The following C3orf20 variants were observed in gnomAD, a reference collection of about 807,000 sequenced individuals.
The protein encoded by C3orf20 is family with sequence similarity 149 member C.
Under a neutral mutation model 88.3 loss-of-function variants are expected in C3orf20, and 76 were observed. That is an observed-to-expected ratio of 0.86 (90% confidence interval 0.72 to 1.04). The LOEUF is 1.04. Among genes scored for constraint, C3orf20 ranks in the 50% least tolerant of loss-of-function variants. C3orf20 has a pLI of 0.00. For missense variants in C3orf20, 1,056 were observed against 1,123.3 expected (o/e 0.94, Z 0.86); for synonymous variants, 436 against 437.4 (o/e 1.00, Z 0.04).
At chr3:14,703,053 A>AT in intron 5 of C3orf20, 77 bp from the exon 6 acceptor site, 1 of 1,542,878 alleles carries the variant, frequency 6.5e-7, no homozygotes, top group Non-Finnish European at 8.9e-7. Context: ...CAGGTCTCAC[A>AT]TCCAGGTGAC....
chr3:14,748,461 T>C (rs1334811728), intron 12 of C3orf20, among the ~76,000 whole-genome samples: 1 of 152,176 alleles, frequency 6.6e-6, no homozygotes, highest in Non-Finnish European at 1.5e-5. Context: ...TTACCTTGAC[T>C]GACTCCAATC....
rs191245591 is a variant in C3orf20, at chr3:14,760,502, T to C, written c.2352+504T>C. Among the ~76,000 whole-genome samples the C allele has an allele frequency of 4.3e-3, 655 of 152,308 alleles. 5 individuals carry two copies. The highest frequency in any genetic ancestry group is 7.5e-3 in the Non-Finnish European group (511 of 68,028). ...CTTTGCAGTCCTTTTCTGCATATAT[T>C]CTTTGCAATTCTTCTTTTTAAATTA... On this transcript the variant is annotated intron_variant, in intron 14 of 16. Coordinates refer to ENST00000253697, the MANE Select transcript of C3orf20 (RefSeq NM_032137.5).
At chr3:14,695,840 CTTT>C (rs1266570352) in intron 5 of C3orf20, among the ~76,000 whole-genome samples, 1 of 151,986 alleles carries the variant, frequency 6.6e-6, no homozygotes, top group Admixed American at 6.6e-5. Flanking sequence ...CATGTAACAT[CTTT>C]TTTTCGTTCC....
rs148575296 is a variant in C3orf20 at position 14,708,887 on chromosome 3, G to A, written c.1160+4269G>A. On this transcript the variant is annotated intron_variant, in intron 7 of 16. Coordinates refer to ENST00000253697, the MANE Select transcript of C3orf20 (RefSeq NM_032137.5). ...TTGAACTCCCGACCTTGAGTGATCCGCCCACTTCAGCCTCCCAAAGTGCTG... is the reference window on the plus strand; with the variant it reads ...TTGAACTCCCGACCTTGAGTGATCCACCCACTTCAGCCTCCCAAAGTGCTG... 2.3e-3 allele frequency among the ~76,000 whole-genome samples: 350 copies of A among 152,062 alleles called. 1 individual carries two copies. Among genetic ancestry groups the A allele is most frequent in the African/African-American group, 7.9e-3 (328 of 41,482 alleles).
intron 4 of C3orf20, among the ~76,000 whole-genome samples, chr3:14,686,644 A>G (rs968135104): frequency 1.3e-5 from 2 of 152,178 alleles, no homozygotes; most frequent in African/African-American, 4.8e-5. Flanking sequence ...CTTTTGAGAA[A>G]TGGGTCCTTA....
Position 14,683,045 on chromosome 3 carries a change from C to A in C3orf20, c.332C>A (p.Thr111Asn), listed in dbSNP as rs756389612. 2 of 1,611,812 alleles carry A rather than the reference C, an allele frequency of 1.2e-6. No homozygotes were observed. The highest frequency in any genetic ancestry group is 1.7e-5 in the Admixed American group (1 of 59,404). ...APPRPVLLAT[T>N]GAAKRSTLSP... ...CCACGTCCAGTGCTGCTGGCAACCA[C>A]TGGGGCAGCCAAGCGCTCCACCCTC... The change falls in exon 3 of 17, where the codon ACT (threonine) becomes AAT (asparagine). Residue 111 changes from threonine to asparagine, a missense_variant. Physicochemically the swap from Thr to Asn is moderately conservative, Grantham distance 65. Transcript: ENST00000253697.
In C3orf20 at chr3:14,721,242, T is replaced by C. The variant is rs76377041; in HGVS notation, c.1435-411T>C. On this transcript the variant is annotated intron_variant, in intron 9 of 16. Transcript: ENST00000253697. ...TGCCAAGTGGTCACCTTCCTACCAC[T>C]GTAGGACAAGAGTCATAGTCAGACC... Among the ~76,000 whole-genome samples the C allele has an allele frequency of 2.2e-3, 332 of 152,346 alleles. 1 individual carries two copies. Among genetic ancestry groups the C allele is most frequent in the African/African-American group, 7.6e-3 (317 of 41,590 alleles).
intron 12 of C3orf20, among the ~76,000 whole-genome samples, chr3:14,749,039 T>C (rs1208225443): frequency 6.6e-6 from 1 of 152,198 alleles, no homozygotes; most frequent in Non-Finnish European, 1.5e-5. Flanking sequence ...TTATCAAAAG[T>C]GGGATGTTAA....
chr3:14,723,018 G>C (rs1201994487), intron 10 of C3orf20, among the ~76,000 whole-genome samples: 1 of 152,242 alleles, frequency 6.6e-6, no homozygotes, highest in Non-Finnish European at 1.5e-5. Context: ...AAGGCTCCTA[G>C]AAGCAAAAGC....
intron 5 of C3orf20, among the ~76,000 whole-genome samples, chr3:14,693,148 G>C (rs1022868275): frequency 3.3e-5 from 5 of 152,130 alleles, no homozygotes; most frequent in Admixed American, 3.3e-4. Context: ...TTTGAACTCA[G>C]GTAAGATGAT....
chr3:14,751,667 A>G (rs979952518), intron 12 of C3orf20, among the ~76,000 whole-genome samples: 4 of 152,220 alleles, frequency 2.6e-5, no homozygotes, highest in African/African-American at 9.6e-5. Flanking sequence ...AAAAATCACA[A>G]GCATTCCTAT....
chr3:14,744,174 C>G (rs1306646372), intron 12 of C3orf20, among the ~76,000 whole-genome samples: 1 of 152,032 alleles, frequency 6.6e-6, no homozygotes, highest in Admixed American at 6.5e-5. Flanking sequence ...CAGGTTACCT[C>G]TTGAATGCTT....
chr3:14,760,840 C>T (rs1261393741), intron 14 of C3orf20, among the ~76,000 whole-genome samples: 2 of 151,978 alleles, frequency 1.3e-5, no homozygotes, highest in Non-Finnish European at 2.9e-5. Context: ...GAACTCCTGA[C>T]CTTGTGATCC....
In C3orf20 at chr3:14,733,769, A is replaced by G. The variant is rs112792316; in HGVS notation, c.1940+5081A>G. Among the ~76,000 whole-genome samples the G allele has an allele frequency of 6.8e-3, 1,039 of 151,918 alleles. 10 individuals are homozygous for G. Among genetic ancestry groups the G allele is most frequent in the African/African-American group, 0.023 (971 of 41,396 alleles). On this transcript the variant is annotated intron_variant, in intron 12 of 16. Coordinates refer to ENST00000253697, the MANE Select transcript of C3orf20 (RefSeq NM_032137.5). ...AATGGAGCCATCTTGGCTCAGGGCA[A>G]CCTCTGCCTCCTGGGTTCAAGCGAT...
chr3:14,740,744 A>T (rs1227966184), intron 12 of C3orf20, among the ~76,000 whole-genome samples: 1 of 151,860 alleles, frequency 6.6e-6, no homozygotes, highest in East Asian at 1.9e-4. Flanking sequence ...CTGTCTTCCA[A>T]TTTACTCATG....
chr3:14,756,992 T>A (rs2035393066), intron 12 of C3orf20, among the ~76,000 whole-genome samples: 1 of 152,128 alleles, frequency 6.6e-6, no homozygotes, highest in African/African-American at 2.4e-5. Context: ...TGAAGGAGAC[T>A]TGGACCACAT....
intron 3 of C3orf20, 128 bp from the exon 4 acceptor site, chr3:14,684,114 A>T (rs1009341480): frequency 7.9e-7 from 1 of 1,264,516 alleles, no homozygotes; most frequent in Non-Finnish European, 1.1e-6. Context: ...TAGCCCCCTC[A>T]CCCCTGCATA....
chr3:14,698,730 C>T (rs1406464744), intron 5 of C3orf20, among the ~76,000 whole-genome samples: 1 of 152,186 alleles, frequency 6.6e-6, no homozygotes, highest in Admixed American at 6.5e-5. Flanking sequence ...CTAAAGCCAG[C>T]ACAGCACTGG....
At chr3:14,713,032 A>C (rs899646633) in intron 7 of C3orf20, among the ~76,000 whole-genome samples, 1 of 152,118 alleles carries the variant, frequency 6.6e-6, no homozygotes, top group Non-Finnish European at 1.5e-5. Flanking sequence ...ATCTTATTGA[A>C]GTTCTCTTAT....
Sources: allele counts gnomAD v4.1 joint callset (sites outside exome capture counted in the v4.1 genomes callset), GRCh38; gene constraint gnomAD v4.1.1; transcripts MANE v1.5; gene names NCBI Gene and HGNC (gene_info 2026-07-23, HGNC 2026-07-21).